The following HABP2 variants were observed in gnomAD, a reference collection of about 807,000 sequenced individuals.
HABP2 encodes hyaluronan binding protein 2, also known as factor VII-activating protease.
HABP2 carries 65 observed loss-of-function variants against 66.5 expected under a neutral mutation model. The ratio of observed to expected loss-of-function variants is 0.98; its 90% CI spans 0.80 to 1.20. The LOEUF (loss-of-function observed/expected upper bound fraction) is 1.20, where lower values mean the gene tolerates loss of function less well. Ranked by LOEUF, HABP2 falls within the 50% of genes most tolerant of loss-of-function variation. HABP2 has a pLI of 0.00. For synonymous variants in HABP2, 263 were observed against 253.9 expected (o/e 1.04, Z -0.34); for missense variants, 786 against 691.0 (o/e 1.14, Z -1.54).
Position 113,567,768 on chromosome 10 carries a change from G to A in HABP2, c.106+243G>A, listed in dbSNP as rs7068395. On this transcript the variant is annotated intron_variant, in intron 2 of 12. Transcript: ENST00000351270. Reference sequence around the variant, plus strand: ...GGATCCCAAGGGAAATACTGCCTACGTACTTAAAACCCTTGATTTTATAAA... The same window carrying A: ...GGATCCCAAGGGAAATACTGCCTACATACTTAAAACCCTTGATTTTATAAA... Among the ~76,000 whole-genome samples, 47,939 of 151,926 alleles carry A rather than the reference G, an allele frequency of 0.32. 7,863 individuals are homozygous for A. Among genetic ancestry groups the A allele is most frequent in the Non-Finnish European group, 0.38 (25,794 of 67,914 alleles).
chr10:113,554,851 A>T (rs948399995), intron 1 of HABP2, among the ~76,000 whole-genome samples: 1 of 152,236 alleles, frequency 6.6e-6, no homozygotes, highest in Non-Finnish European at 1.5e-5. Flanking sequence ...TAAAAGAGAA[A>T]ATATGAGAGT....
Position 113,589,346 on chromosome 10 carries a change from G to A in HABP2, c.*977G>A. 3.5e-6 allele frequency: 2 copies of A among 568,270 alleles called. No individual in the cohort carries two copies. The highest frequency in any genetic ancestry group is 6.2e-6 in the Non-Finnish European group (2 of 321,874). The allele number at this position is 568,270 out of a possible 1,614,324, so 35.2% of individuals were successfully genotyped here. On this transcript the variant is annotated 3_prime_UTR_variant, in exon 13 of 13. Coordinates refer to ENST00000351270, the MANE Select transcript of HABP2 (RefSeq NM_004132.5). ...AGACTGTCATATCCAGCGAGTCCCTGACCCTTTCTGCGAATGTAACGAGCA... is the reference window on the plus strand; with the variant it reads ...AGACTGTCATATCCAGCGAGTCCCTAACCCTTTCTGCGAATGTAACGAGCA...
intron 5 of HABP2, among the ~76,000 whole-genome samples, chr10:113,577,617 C>T (rs1257589933): frequency 6.6e-6 from 1 of 152,216 alleles, no homozygotes; most frequent in Non-Finnish European, 1.5e-5. Flanking sequence ...TTGCTTTCTC[C>T]AAAGACACCT....
intron 2 of HABP2, among the ~76,000 whole-genome samples, chr10:113,569,176 C>T (rs2133759440): frequency 6.6e-6 from 1 of 152,268 alleles, no homozygotes; most frequent in South Asian, 2.1e-4. Context: ...TAAGCACAGG[C>T]TGAAAAACCT....
Position 113,588,318 on chromosome 10 carries a change from C to G in HABP2, c.1632C>G (p.Thr544=). The G allele has an allele frequency of 6.2e-7, 1 of 1,613,742 alleles. No individual in the cohort carries two copies. The highest frequency in any genetic ancestry group is 1.7e-4 in the Middle Eastern group (1 of 6,040). The part of the protein sequence containing the change: ...GKRPGVYTQV[T]KFLNWIKATI... ...GGCCAGGGGTCTACACCCAAGTTAC[C>G]AAATTCCTGAATTGGATCAAAGCCA... The change falls in exon 13 of 13, where the codon ACC becomes ACG. Residue 544 remains threonine, a synonymous_variant. Coordinates refer to ENST00000351270, the MANE Select transcript of HABP2 (RefSeq NM_004132.5).
Position 113,588,390 on chromosome 10 carries a change from A to G in HABP2, c.*21A>G. On this transcript the variant is annotated 3_prime_UTR_variant, in exon 13 of 13. Transcript: ENST00000351270. Reference sequence around the variant, plus strand: ...TCTAAGGTACTGTCTTCTGGACCTCAGAGCCCACTCTCCTTGGCACCCTGA... The same window carrying G: ...TCTAAGGTACTGTCTTCTGGACCTCGGAGCCCACTCTCCTTGGCACCCTGA... 4 of 1,593,464 alleles carry G rather than the reference A, an allele frequency of 2.5e-6. No individual in the cohort carries two copies. The highest frequency in any genetic ancestry group is 3.4e-6 in the Non-Finnish European group (4 of 1,167,942).
chr10:113,584,073 T>G, intron 10 of HABP2, 75 bp from the exon 11 acceptor site: 7 of 1,369,532 alleles, frequency 5.1e-6, no homozygotes, highest in Non-Finnish European at 7.2e-6. Context: ...GCCACCTTCA[T>G]GAGCAAGTTG....
intron 1 of HABP2, among the ~76,000 whole-genome samples, chr10:113,563,190 A>G (rs971257308): frequency 6.6e-6 from 1 of 152,160 alleles, no homozygotes; most frequent in Non-Finnish European, 1.5e-5. Context: ...CTACTCTTCC[A>G]TCGATCTTTC....
At chr10:113,568,143 C>A (rs151089561) in intron 2 of HABP2, among the ~76,000 whole-genome samples, 2 of 152,324 alleles carry the variant, frequency 1.3e-5, no homozygotes, top group East Asian at 3.9e-4. Flanking sequence ...CCACAGCGTG[C>A]GCAAGCTAAG....
chr10:113,563,867 TC>T (rs1206402842), intron 1 of HABP2, among the ~76,000 whole-genome samples: 1 of 151,742 alleles, frequency 6.6e-6, no homozygotes, highest in Non-Finnish European at 1.5e-5. Context: ...TGGAGACAGG[TC>T]TAGACAGACA....
At chr10:113,585,644 G>T in intron 11 of HABP2, 149 bp from the exon 12 acceptor site, 1 of 651,268 alleles carries the variant, frequency 1.5e-6, no homozygotes, top group Admixed American at 2.3e-5. Context: ...GAAGGCTAAA[G>T]ATGAGGCTTT....
chr10:113,551,548 A>G (rs371166723), upstream of HABP2, among the ~76,000 whole-genome samples: 37 of 152,292 alleles, frequency 2.4e-4, no homozygotes, highest in African/African-American at 8.7e-4. Flanking sequence ...GCTTATGCCT[A>G]TAATCCTAGC....
intron 2 of HABP2, among the ~76,000 whole-genome samples, chr10:113,568,964 T>C (rs1171994318): frequency 1.3e-5 from 2 of 152,212 alleles, no homozygotes; most frequent in Non-Finnish European, 2.9e-5. Context: ...GCAGTGGCCC[T>C]ACTGAACAGA....
chr10:113,588,646 A>AAT lies in HABP2; in HGVS notation c.*278_*279dup. On this transcript the variant is annotated 3_prime_UTR_variant, in exon 13 of 13. Transcript: ENST00000351270. ...CCTTACCCAATTGTACCTTCTAGAA[A>AAT]ATCAGTGTTCACAGAGACTGCCTCC... The AAT allele has an allele frequency of 1.9e-6, 1 of 520,390 alleles. No individual in the cohort carries two copies. The highest frequency in any genetic ancestry group is 3.4e-6 in the Non-Finnish European group (1 of 297,250). 32.2% of individuals were successfully genotyped at this position (520,390 alleles called of 1,614,324 possible). A position where few individuals can be genotyped will look rare whatever the true frequency, so the allele number is the denominator to read the frequency against.
intron 7 of HABP2, among the ~76,000 whole-genome samples, chr10:113,579,814 A>C (rs1222897075): frequency 6.7e-6 from 1 of 149,054 alleles, no homozygotes; most frequent in Admixed American, 6.7e-5. Flanking sequence ...ATGGAGTCTC[A>C]CTCTGTCACC....
At position 113,579,715 on chromosome 10, in the gene HABP2, CTT is replaced by C. The variant is rs543756948; in HGVS notation, c.741-878_741-877del. Among the ~76,000 whole-genome samples, 16 of 151,758 alleles carry C rather than the reference CTT, an allele frequency of 1.1e-4. No individual in the cohort carries two copies. In the East Asian group the frequency reaches 3.1e-3, roughly 29 times the overall value. ...TCAGATGAGTTGCAGGTGAGGGGGT[CTT>C]TGTATGGCTTTGAACTGGCTTCATA... is the stretch of plus-strand genomic sequence containing the variant. On this transcript the variant is annotated intron_variant, in intron 7 of 12. Transcript: ENST00000351270.
chr10:113,572,107 G>A (rs1845325264), intron 2 of HABP2, among the ~76,000 whole-genome samples: 1 of 152,202 alleles, frequency 6.6e-6, no homozygotes. Flanking sequence ...TGGCTACCTG[G>A]GGCCACTGAG....
chr10:113,587,621 GTCT>G (rs1389316418), intron 12 of HABP2, among the ~76,000 whole-genome samples: 3 of 152,160 alleles, frequency 2.0e-5, no homozygotes, highest in East Asian at 1.9e-4. Flanking sequence ...CACCCTCAAT[GTCT>G]TCTTCTCCTC....
chr10:113,567,667 T>G (rs994675199), intron 2 of HABP2, 142 bp downstream of exon 2: 56 of 687,446 alleles, frequency 8.1e-5, no homozygotes, highest in Non-Finnish European at 1.3e-5. Context: ...TTTGAGAACT[T>G]GCCCTCAAAA....
Sources: allele counts gnomAD v4.1 joint callset (sites outside exome capture counted in the v4.1 genomes callset), GRCh38; gene constraint gnomAD v4.1.1; transcripts MANE v1.5; gene names NCBI Gene and HGNC (gene_info 2026-07-23, HGNC 2026-07-21).